Variants in SLC16A2 observed in about 807,000 individuals in gnomAD.
SLC16A2 encodes solute carrier family 16 member 2, also known as monocarboxylate transporter 8.
Under a neutral mutation model 27.2 loss-of-function variants are expected in SLC16A2, and 3 were observed. The observed-to-expected ratio is 0.11, with a 90% CI of 0.05 to 0.28. SLC16A2 has a LOEUF of 0.28. SLC16A2 is among the 10% of genes least tolerant of loss of function. The probability of loss-of-function intolerance (pLI) is 1.00; values close to 1 mark genes in which losing one functional copy is unlikely to be tolerated. For missense variants in SLC16A2, 295 were observed against 458.5 expected (o/e 0.64, Z 3.26); for synonymous variants, 202 against 187.8 (o/e 1.08, Z -0.62).
intron 1 of SLC16A2, among the ~76,000 whole-genome samples, chrX:74,434,320 T>C (rs1382708233): frequency 8.9e-6 from 1 of 112,020 alleles, no homozygotes; most frequent in African/African-American, 3.2e-5. Context: ...AAGGCCCTGA[T>C]AGAATTGGAA....
chrX:74,524,989 A>T (rs1049298077), intron 3 of SLC16A2, among the ~76,000 whole-genome samples, 180 bp downstream of exon 3: 6 of 111,437 alleles, frequency 5.4e-5, no homozygotes, highest in African/African-American at 2.0e-4. Context: ...TTGAGGGAAG[A>T]CCTTAGTGGA....
intron 1 of SLC16A2, among the ~76,000 whole-genome samples, chrX:74,440,852 G>C (rs1469205870): frequency 9.0e-6 from 1 of 110,562 alleles, no homozygotes; most frequent in Non-Finnish European, 1.9e-5. Flanking sequence ...GGATAGGGTA[G>C]AGTCAGGTCT....
chrX:74,495,264 AGC>A (rs1929913082), intron 1 of SLC16A2, among the ~76,000 whole-genome samples: 1 of 111,082 alleles, frequency 9.0e-6, no homozygotes, highest in South Asian at 3.8e-4. Flanking sequence ...CACAGATACC[AGC>A]CAGGGAGCCA....
At chrX:74,473,956 T>C (rs748696400) in intron 1 of SLC16A2, 3 of 344,098 alleles carry the variant, frequency 8.7e-6, no homozygotes, top group Non-Finnish European at 1.1e-5. Context: ...TTAGACACGA[T>C]GGCAGAGTGA....
chrX:74,463,763 G>A (rs1016545674), intron 1 of SLC16A2, among the ~76,000 whole-genome samples: 1 of 110,901 alleles, frequency 9.0e-6, no homozygotes, highest in Non-Finnish European at 1.9e-5. Context: ...TCCTGACCTC[G>A]TGATCCACCC....
intron 1 of SLC16A2, among the ~76,000 whole-genome samples, chrX:74,425,811 C>G (rs1928391804): frequency 1.8e-5 from 2 of 111,738 alleles, no homozygotes; most frequent in Non-Finnish European, 3.8e-5. Context: ...GCCGGTCCAC[C>G]ATTGAGCCAA....
Position 74,504,011 on chromosome X carries a change from G to GT in SLC16A2, c.431-16978dup, listed in dbSNP as rs1177651790. On this transcript the variant is annotated intron_variant, in intron 1 of 5. Transcript: ENST00000587091. ...GTGTCTGTCACATAGTAAGTGCTAAGTAAGTGTTAACTATTGTTACTACTA... is the reference window on the plus strand; with the variant it reads ...GTGTCTGTCACATAGTAAGTGCTAAGTTAAGTGTTAACTATTGTTACTACTA... 9.8e-5 allele frequency among the ~76,000 whole-genome samples: 11 copies of GT among 112,431 alleles called. 1 individual carries two copies. Among genetic ancestry groups the GT allele is most frequent in the Admixed American group, 8.5e-4 (9 of 10,635 alleles).
At chrX:74,470,250 C>A (rs1929329400) in intron 1 of SLC16A2, among the ~76,000 whole-genome samples, 1 of 112,448 alleles carries the variant, frequency 8.9e-6, no homozygotes, top group Non-Finnish European at 1.9e-5. Context: ...CAAGTTTTGG[C>A]AATTATGAAT....
chrX:74,526,360 T>C (rs1000931015), intron 4 of SLC16A2, among the ~76,000 whole-genome samples: 1 of 111,438 alleles, frequency 9.0e-6, no homozygotes, highest in African/African-American at 3.3e-5. Context: ...CAAAATCAAG[T>C]AGTCACAAGT....
intron 1 of SLC16A2, among the ~76,000 whole-genome samples, chrX:74,470,931 C>G (rs1260112667): frequency 9.0e-6 from 1 of 110,610 alleles, no homozygotes; most frequent in East Asian, 2.8e-4. Context: ...GAGCGAGACT[C>G]CGTCTCAAAA....
chrX:74,495,175 C>A (rs904197784), intron 1 of SLC16A2, among the ~76,000 whole-genome samples: 12 of 111,836 alleles, frequency 1.1e-4, no homozygotes, highest in African/African-American at 3.2e-4. Flanking sequence ...GCTGACTGCC[C>A]GAGTGAGGGG....
At chrX:74,458,771 C>T in intron 1 of SLC16A2, among the ~76,000 whole-genome samples, 1 of 111,709 alleles carries the variant, frequency 9.0e-6, no homozygotes, top group Non-Finnish European at 1.9e-5. Context: ...TCCAATATTT[C>T]CCCATTCCCC....
In SLC16A2 at chrX:74,479,235, G is replaced by A. The variant is rs150985175; in HGVS notation, c.431-41755G>A. 4.9e-3 allele frequency among the ~76,000 whole-genome samples: 540 copies of A among 111,061 alleles called. 3 individuals are homozygous for A. Among genetic ancestry groups the A allele is most frequent in the African/African-American group, 0.017 (527 of 30,527 alleles). On this transcript the variant is annotated intron_variant, in intron 1 of 5. Transcript: ENST00000587091. Reference sequence around the variant, plus strand: ...TCTTCTCGCTTCATTTCATTCATTTGATCTTCCATCACTGATACCCTTTCT... The same window carrying A: ...TCTTCTCGCTTCATTTCATTCATTTAATCTTCCATCACTGATACCCTTTCT...
chrX:74,518,400 C>A (rs1930350845), intron 1 of SLC16A2, among the ~76,000 whole-genome samples: 1 of 111,175 alleles, frequency 9.0e-6, no homozygotes, highest in Non-Finnish European at 1.9e-5. Context: ...TTGAGACCAG[C>A]CTGGCCATCG....
intron 1 of SLC16A2, among the ~76,000 whole-genome samples, chrX:74,499,160 G>A (rs1279755602): frequency 8.9e-6 from 1 of 112,032 alleles, no homozygotes; most frequent in Non-Finnish European, 1.9e-5. Context: ...GCCCCAATTT[G>A]CAGTAATCTG....
chrX:74,495,474 G>A (rs181337443), intron 1 of SLC16A2, among the ~76,000 whole-genome samples: 1 of 109,027 alleles, frequency 9.2e-6, no homozygotes, highest in Non-Finnish European at 1.9e-5. Flanking sequence ...CAGCCAGGCT[G>A]TCCTGTGGTT....
intron 1 of SLC16A2, among the ~76,000 whole-genome samples, chrX:74,493,778 G>T (rs1286989204): frequency 9.0e-6 from 1 of 111,560 alleles, no homozygotes; most frequent in Non-Finnish European, 1.9e-5. Flanking sequence ...AGGTGCAGGT[G>T]CGTGCATTCC....
chrX:74,506,692 G>T (rs984129065), intron 1 of SLC16A2, among the ~76,000 whole-genome samples: 1 of 110,449 alleles, frequency 9.1e-6, no homozygotes, highest in Non-Finnish European at 1.9e-5. Context: ...AGCCCCAGGG[G>T]AGAGACTCAG....
At chrX:74,447,314 C>T (rs1229803459) in intron 1 of SLC16A2, among the ~76,000 whole-genome samples, 24 of 111,451 alleles carry the variant, frequency 2.2e-4, no homozygotes, top group Admixed American at 2.1e-3. Flanking sequence ...TCACAGAGGC[C>T]CACTAACTCC....
Sources: allele counts gnomAD v4.1 joint callset (sites outside exome capture counted in the v4.1 genomes callset), GRCh38; gene constraint gnomAD v4.1.1; transcripts MANE v1.5; gene names NCBI Gene and HGNC (gene_info 2026-07-23, HGNC 2026-07-21).